The following HYOU1 variants were observed in gnomAD, a reference collection of about 807,000 sequenced individuals.
The protein encoded by HYOU1 is hypoxia up-regulated 1, also known as hypoxia up-regulated protein 1.
A neutral mutation model predicts 120.5 loss-of-function variants in HYOU1; 40 were observed. That is an observed-to-expected ratio of 0.33 (90% CI 0.26 to 0.43). The LOEUF is 0.43. Ranked by LOEUF, HYOU1 falls within the 20% of genes least tolerant of loss-of-function variation. HYOU1 has a pLI of 1.00. For missense variants in HYOU1, 1,085 were observed against 1,278.3 expected (o/e 0.85, Z 2.31); for synonymous variants, 501 against 479.4 (o/e 1.05, Z -0.59).
chr11:119,052,069 C>G lies in HYOU1; in HGVS notation c.1205+21G>C. The G allele has an allele frequency of 6.2e-7, 1 of 1,614,036 alleles. No individual in the cohort carries two copies. The highest frequency in any genetic ancestry group is 8.5e-7 in the Non-Finnish European group (1 of 1,179,954). On this transcript the variant is annotated intron_variant, in intron 11 of 25. Transcript: ENST00000617285. The surrounding 1 kb of genome is among the most constrained non-coding windows in gnomAD (Gnocchi z 5.0). Reference sequence around the variant, plus strand: ...CTGCCCCAGGCAGAACTCAGCCAAGCGCTCTAGCCCCCACACTCACTTGCC... The same window carrying G: ...CTGCCCCAGGCAGAACTCAGCCAAGGGCTCTAGCCCCCACACTCACTTGCC...
intron 6 of HYOU1, 82 bp from the exon 7 acceptor site, chr11:119,054,757 G>A: frequency 7.0e-7 from 1 of 1,422,652 alleles, no homozygotes; most frequent in Non-Finnish European, 9.6e-7. Context: ...TGACATTTTG[G>A]ACTAGGTAAT....
Position 119,051,706 on chromosome 11 carries a change from G to A in HYOU1, c.1339-81C>T. 1 of 1,592,186 alleles carries A rather than the reference G, an allele frequency of 6.3e-7. No homozygotes were observed. The highest frequency in any genetic ancestry group is 1.1e-5 in the South Asian group (1 of 89,504). On this transcript the variant is annotated intron_variant, in intron 12 of 25. Transcript: ENST00000617285. The surrounding 1 kb of genome is among the most constrained non-coding windows in gnomAD (Gnocchi z 4.2). ...TCTGGGGTAAGGATGGGGGTGGGAT[G>A]GGGGAGACCTCTTAGCAGAAAGACA... is the stretch of plus-strand genomic sequence containing the variant.
At position 119,046,611 on chromosome 11, in the gene HYOU1, G is replaced by A; in HGVS notation, c.2787C>T (p.Pro929=). 1 of 1,614,160 alleles carries A rather than the reference G, an allele frequency of 6.2e-7. No individual in the cohort carries two copies. Among genetic ancestry groups the A allele is most frequent in the Non-Finnish European group, 8.5e-7 (1 of 1,180,014 alleles). The change falls in exon 23 of 26, where the codon CCC becomes CCT. Residue 929 remains proline (P), a synonymous_variant. Coordinates refer to ENST00000617285, the MANE Select transcript of HYOU1 (RefSeq NM_006389.5). ...CCTGGTCACTGGCACTGGCATTGAG[G>A]GGTGGCTCTGCCCGGGTCCCATTCT... ...KDKNGTRAEP[P]LNASASDQGE...
intron 2 of HYOU1, 42 bp downstream of exon 2, chr11:119,056,028 A>G: frequency 6.5e-7 from 1 of 1,543,176 alleles, no homozygotes; most frequent in Non-Finnish European, 9.0e-7. Context: ...TGCATCCTTC[A>G]GTCATCATTT....
rs1592140342 is a variant in HYOU1 at position 119,049,473 on chromosome 11, C to A, written c.1806+83G>T. On this transcript the variant is annotated intron_variant, in intron 16 of 25. Coordinates refer to ENST00000617285, the MANE Select transcript of HYOU1 (RefSeq NM_006389.5). The stretch of plus-strand genomic sequence containing the variant: ...GTTAACACAACAGGGGCAGGGGTGG[C>A]CTACCCTCACCCCCTTCCTCTGCGG... The A allele has an allele frequency of 2.1e-5, 33 of 1,548,608 alleles. No individual in the cohort carries two copies. The South Asian group carries it at 3.6e-4, about 17-fold the overall frequency.
chr11:119,050,290 G>A (rs1944345216), intron 14 of HYOU1, among the ~76,000 whole-genome samples: 1 of 152,106 alleles, frequency 6.6e-6, no homozygotes, highest in African/African-American at 2.4e-5. Flanking sequence ...GCAGGCGCCT[G>A]TAATCCCAGC....
In HYOU1 at chr11:119,048,923, C is replaced by T. The variant is rs2133568500; in HGVS notation, c.1993-37G>A. On this transcript the variant is annotated intron_variant, in intron 17 of 25. Coordinates refer to ENST00000617285, the MANE Select transcript of HYOU1 (RefSeq NM_006389.5). This position sits in a 1 kb window ranked among gnomAD's most constrained non-coding sequence, Gnocchi z 4.7. ...GAGTCAGGGGTGTCAGGAAAAGCCT[C>T]TGCCCTCCTACATTCTCCACAAGGC... 1.4e-5 allele frequency: 22 copies of T among 1,606,022 alleles called. No individual in the cohort carries two copies. In the South Asian group the frequency reaches 1.8e-4, roughly 13 times the overall value.
In HYOU1 at chr11:119,052,274, C is replaced by T. The variant is rs1018597550; in HGVS notation, c.1122+21G>A. ...TATGCCCTTTCCTACGGGGCATTCCCGCCTTCCCCTACTCGCTCACCAGAC... is the reference window on the plus strand; with the variant it reads ...TATGCCCTTTCCTACGGGGCATTCCTGCCTTCCCCTACTCGCTCACCAGAC... On this transcript the variant is annotated intron_variant, in intron 10 of 25. Coordinates refer to ENST00000617285, the MANE Select transcript of HYOU1 (RefSeq NM_006389.5). This position sits in a 1 kb window ranked among gnomAD's most constrained non-coding sequence, Gnocchi z 5.0. The T allele has an allele frequency of 8.1e-6, 13 of 1,614,032 alleles. No individual in the cohort carries two copies. Among genetic ancestry groups the T allele is most frequent in the African/African-American group, 4.0e-5 (3 of 74,930 alleles).
rs2133607423 is a variant in HYOU1, at chr11:119,054,705, C to T, written c.497-30G>A. 2.8e-5 allele frequency: 44 copies of T among 1,597,766 alleles called. 1 individual carries two copies. The East Asian group carries it at 3.8e-4, about 14-fold the overall frequency. On this transcript the variant is annotated intron_variant, in intron 6 of 25. Coordinates refer to ENST00000617285, the MANE Select transcript of HYOU1 (RefSeq NM_006389.5). Reference sequence around the variant, plus strand: ...AGATGACAACAGAAAAGGGTCCCGCCGGCTCCATACCTTAGATGAGGGCTT... The same window carrying T: ...AGATGACAACAGAAAAGGGTCCCGCTGGCTCCATACCTTAGATGAGGGCTT...
chr11:119,055,289 C>A lies in HYOU1; in HGVS notation c.315G>T (p.Gly105=). The change falls in exon 5 of 26, where the codon GGG becomes GGT. Residue 105 remains glycine (G), a synonymous_variant. Transcript: ENST00000617285. The surrounding 1 kb of genome is among the most constrained non-coding windows in gnomAD (Gnocchi z 4.0). ...ATLRYFQHLL[G]KQADNPHVAL... is the part of the protein sequence containing the mutation. Reference sequence around the variant, plus strand: ...CTACATGGGGGTTATCTGCCTGCTTCCCCAGGAGGTGCTGGAAGTAACGTA... The same window carrying A: ...CTACATGGGGGTTATCTGCCTGCTTACCCAGGAGGTGCTGGAAGTAACGTA... 6.2e-7 allele frequency: 1 copy of A among 1,614,084 alleles called. No individual in the cohort carries two copies. The highest frequency in any genetic ancestry group is 8.5e-7 in the Non-Finnish European group (1 of 1,179,994).
rs782434319 is a variant in HYOU1 at position 119,045,389 on chromosome 11, G to C, written c.*204C>G. ...GGGAGTGGGGCTGGGGAGGAGAACA[G>C]TTTCCATTTTTAACCACAGAGGTAC... On this transcript the variant is annotated 3_prime_UTR_variant, in exon 26 of 26. Transcript: ENST00000617285. The C allele has an allele frequency of 5.3e-5, 37 of 700,452 alleles. No homozygotes were observed. The highest frequency in any genetic ancestry group is 8.8e-5 in the Non-Finnish European group (34 of 384,854). The allele number at this position is 700,452 out of a possible 1,614,324, so 43.4% of individuals were successfully genotyped here.
Position 119,049,479 on chromosome 11 carries a change from C to T in HYOU1, c.1806+77G>A, listed in dbSNP as rs2133573225. ...ACAACAGGGGCAGGGGTGGCCTACC[C>T]TCACCCCCTTCCTCTGCGGCTACTA... On this transcript the variant is annotated intron_variant, in intron 16 of 25. Transcript: ENST00000617285. The T allele has an allele frequency of 1.5e-5, 23 of 1,561,516 alleles. No homozygotes were observed. In the South Asian group the frequency reaches 2.3e-4, roughly 16 times the overall value.
rs2133596574 is a variant in HYOU1 at position 119,052,881 on chromosome 11, C to T, written c.795-52G>A. On this transcript the variant is annotated intron_variant, in intron 8 of 25. Coordinates refer to ENST00000617285, the MANE Select transcript of HYOU1 (RefSeq NM_006389.5). This position sits in a 1 kb window ranked among gnomAD's most constrained non-coding sequence, Gnocchi z 5.0. ...AAGTGAAGAACACATGGAGTCCCCG[C>T]ATCTGCACAGGAGCCTCTCATCCCC... 1 of 1,521,536 alleles carries T rather than the reference C, an allele frequency of 6.6e-7. No homozygotes were observed. The allele number at this position is 1,521,536 out of a possible 1,614,324, so 94.3% of individuals were successfully genotyped here. A position where few individuals can be genotyped will look rare whatever the true frequency, so the allele number is the denominator to read the frequency against.
At position 119,052,194 on chromosome 11, in the gene HYOU1, G is replaced by C. The variant is rs2133591062; in HGVS notation, c.1123-22C>G. The C allele has an allele frequency of 1.2e-6, 2 of 1,613,990 alleles. No homozygotes were observed. The highest frequency in any genetic ancestry group is 1.7e-6 in the Non-Finnish European group (2 of 1,179,874). The stretch of plus-strand genomic sequence containing the variant: ...CATCCTGCAGTGGGTAAGAATGACA[G>C]GTGCAACAGCATGCAGTTAGCACTG... On this transcript the variant is annotated intron_variant, in intron 10 of 25. Coordinates refer to ENST00000617285, the MANE Select transcript of HYOU1 (RefSeq NM_006389.5). This position sits in a 1 kb window ranked among gnomAD's most constrained non-coding sequence, Gnocchi z 5.0.
intron 1 of HYOU1, chr11:119,056,746 G>C (rs572638219): frequency 2.6e-4 from 60 of 229,280 alleles, no homozygotes; most frequent in Non-Finnish European, 4.7e-4. Context: ...GCAGTGCCAG[G>C]GGCGGTAAGG....
chr11:119,050,910 A>G (rs1944402506), intron 14 of HYOU1, 125 bp downstream of exon 14: 2 of 1,116,622 alleles, frequency 1.8e-6, no homozygotes, highest in Admixed American at 2.4e-5. Flanking sequence ...GTTCAGAGCC[A>G]ACATTTTTCT....
intron 16 of HYOU1, 89 bp from the exon 17 acceptor site, chr11:119,049,292 C>T: frequency 6.3e-7 from 1 of 1,580,540 alleles, no homozygotes; most frequent in Non-Finnish European, 8.6e-7. Context: ...CATGGGGGTT[C>T]CATACAGGTG....
Position 119,052,566 on chromosome 11 carries a change from C to A in HYOU1, c.987+71G>T. The A allele has an allele frequency of 6.4e-7, 1 of 1,571,548 alleles. No individual in the cohort carries two copies. Among genetic ancestry groups the A allele is most frequent in the Non-Finnish European group, 8.7e-7 (1 of 1,153,622 alleles). ...TGGGCCATGCCAGGCACGAGCAGCC[C>A]AGTTCAGTGGCAGGGTCCCCCACCC... On this transcript the variant is annotated intron_variant, in intron 9 of 25. Coordinates refer to ENST00000617285, the MANE Select transcript of HYOU1 (RefSeq NM_006389.5). This position sits in a 1 kb window ranked among gnomAD's most constrained non-coding sequence, Gnocchi z 5.0.
Position 119,056,174 on chromosome 11 carries a change from G to A in HYOU1, c.-7-7C>T, listed in dbSNP as rs1476880675. ...TTTGTCTGCCATAGTGCCCCTGGGG[G>A]AGGCGAAGAAAGAAAACACTTAAAA... On this transcript the variant is annotated splice_region_variant and splice_polypyrimidine_tract_variant and intron_variant, in intron 1 of 25. Coordinates refer to ENST00000617285, the MANE Select transcript of HYOU1 (RefSeq NM_006389.5). 4.4e-6 allele frequency: 7 copies of A among 1,607,106 alleles called. No individual in the cohort carries two copies. The Admixed American group carries it at 5.0e-5, about 11-fold the overall frequency.
Sources: gnomAD v4.1 joint callset for allele counts (sites outside exome capture counted in the v4.1 genomes callset) on GRCh38, gnomAD v4.1.1 for gene constraint, Gnocchi (gnomAD v3.1) non-coding constraint, MANE v1.5 for transcripts, NCBI Gene and HGNC (gene_info 2026-07-23, HGNC 2026-07-21) for gene names.